The following FHIT variants were observed in gnomAD, a reference collection of about 807,000 sequenced individuals.
FHIT encodes the protein bis(5'-adenosyl)-triphosphatase.
A neutral mutation model predicts 17.9 loss-of-function variants in FHIT; 19 were observed. That is an observed-to-expected ratio of 1.06 (90% CI 0.74 to 1.56). The LOEUF (loss-of-function observed/expected upper bound fraction) is 1.56. FHIT is among the 40% of genes most tolerant of loss of function. The probability of loss-of-function intolerance (pLI) is 0.00; values close to 1 mark genes in which losing one functional copy is unlikely to be tolerated. For missense variants in FHIT, 248 were observed against 189.2 expected (o/e 1.31, Z -1.82); for synonymous variants, 81 against 69.7 (o/e 1.16, Z -0.81).
intron 5 of FHIT, among the ~76,000 whole-genome samples, chr3:60,476,942 G>T (rs2107463363): frequency 2.0e-5 from 3 of 151,652 alleles, no homozygotes; most frequent in East Asian, 3.9e-4. Context: ...CTCAGGTAAA[G>T]CTCAACATTA....
chr3:60,402,229 A>G (rs1576601387), intron 5 of FHIT, among the ~76,000 whole-genome samples: 1 of 152,188 alleles, frequency 6.6e-6, no homozygotes, highest in Admixed American at 6.5e-5. Context: ...CTTGTCACTC[A>G]CAGTTTTTCT....
intron 4 of FHIT, among the ~76,000 whole-genome samples, chr3:60,632,759 T>G (rs1437917168): frequency 6.6e-6 from 1 of 152,120 alleles, no homozygotes; most frequent in Admixed American, 6.5e-5. Context: ...TTTCTAAAAT[T>G]CATTGTCACC....
chr3:60,356,778 A>AAAAAAAAAAAAAC (rs1699682844), intron 5 of FHIT, among the ~76,000 whole-genome samples: 1 of 135,774 alleles, frequency 7.4e-6, no homozygotes, highest in Non-Finnish European at 1.5e-5. Context: ...AAAAAAAAAA[A>AAAAAAAAAAAAAC]AACGGAAGAA....
chr3:60,519,514 T>C (rs1467614573), intron 5 of FHIT, among the ~76,000 whole-genome samples: 1 of 152,196 alleles, frequency 6.6e-6, no homozygotes, highest in African/African-American at 2.4e-5. Flanking sequence ...CTGGAAGCCT[T>C]ACCAATAAAC....
chr3:60,697,940 A>G (rs1364411713), intron 4 of FHIT, among the ~76,000 whole-genome samples: 1 of 152,166 alleles, frequency 6.6e-6, no homozygotes, highest in Non-Finnish European at 1.5e-5. Flanking sequence ...ATTTGTTTAC[A>G]CAGTAAAAGA....
intron 2 of FHIT, among the ~76,000 whole-genome samples, chr3:61,193,173 T>C (rs2038763749): frequency 6.6e-6 from 1 of 152,218 alleles, no homozygotes. Flanking sequence ...TGGGTTGTTT[T>C]GTTTTGCTTA....
chr3:61,103,788 G>T (rs919633589), intron 2 of FHIT, among the ~76,000 whole-genome samples: 2 of 152,110 alleles, frequency 1.3e-5, no homozygotes, highest in East Asian at 1.9e-4. Flanking sequence ...TTGTTGAATT[G>T]ATTCCTTTGC....
intron 5 of FHIT, among the ~76,000 whole-genome samples, chr3:60,297,453 A>G (rs1211138934): frequency 1.3e-5 from 2 of 152,070 alleles, no homozygotes; most frequent in Admixed American, 6.6e-5. Flanking sequence ...ATAAATAAAC[A>G]TAGTTGGTTT....
chr3:60,403,149 A>G (rs549381745), intron 5 of FHIT, among the ~76,000 whole-genome samples: 2 of 152,292 alleles, frequency 1.3e-5, no homozygotes, highest in East Asian at 3.9e-4. Flanking sequence ...CCCGGGATAG[A>G]CAAAGACAGA....
At chr3:60,033,043 A>G (rs1443057275) in intron 5 of FHIT, among the ~76,000 whole-genome samples, 1 of 152,218 alleles carries the variant, frequency 6.6e-6, no homozygotes, top group Non-Finnish European at 1.5e-5. Context: ...ATTCAATGGC[A>G]TAACAATATT....
At chr3:60,936,445 T>C (rs1346042527) in intron 3 of FHIT, among the ~76,000 whole-genome samples, 5 of 152,224 alleles carry the variant, frequency 3.3e-5, no homozygotes, top group African/African-American at 9.6e-5. Context: ...CTATTCCTTC[T>C]GTGAAATGAC....
chr3:60,041,917 A>G (rs1701455118), intron 5 of FHIT, among the ~76,000 whole-genome samples: 1 of 152,242 alleles, frequency 6.6e-6, no homozygotes, highest in Non-Finnish European at 1.5e-5. Flanking sequence ...TCTAATTCTT[A>G]TTCTCATTTC....
chr3:61,021,400 C>T (rs2032420908), intron 3 of FHIT, among the ~76,000 whole-genome samples: 1 of 147,556 alleles, frequency 6.8e-6, no homozygotes. Flanking sequence ...GAGATCGAGA[C>T]CATCCCAGCT....
chr3:60,676,672 A>T (rs1206166761), intron 4 of FHIT, among the ~76,000 whole-genome samples: 1 of 152,330 alleles, frequency 6.6e-6, no homozygotes, highest in East Asian at 1.9e-4. Context: ...CAGGTAAGCT[A>T]GGAAGAGGCC....
At chr3:60,201,869 C>G (rs213301) in intron 5 of FHIT, among the ~76,000 whole-genome samples, 55,652 of 151,070 alleles carry the variant, frequency 0.37, 11,739 homozygotes, top group Non-Finnish European at 0.47. Flanking sequence ...AAATAGAATG[C>G]TTTAGAAATT....
intron 3 of FHIT, among the ~76,000 whole-genome samples, chr3:60,920,452 C>T (rs373629889): frequency 2.6e-5 from 4 of 151,976 alleles, no homozygotes; most frequent in Non-Finnish European, 5.9e-5. Flanking sequence ...TAGTCTAGAT[C>T]GGTAGAGGCA....
intron 3 of FHIT, chr3:60,856,251 G>C (rs1424539248): frequency 1.3e-5 from 2 of 152,084 alleles, no homozygotes; most frequent in Non-Finnish European, 2.9e-5. Flanking sequence ...AAAAGGCACA[G>C]ATCTGGGGGG....
chr3:60,678,642 A>G (rs1380281492), intron 4 of FHIT, among the ~76,000 whole-genome samples: 2 of 152,186 alleles, frequency 1.3e-5, no homozygotes, highest in African/African-American at 4.8e-5. Flanking sequence ...AAATGAAATC[A>G]GTTATCCAAG....
intron 2 of FHIT, among the ~76,000 whole-genome samples, chr3:61,044,277 G>A (rs1362608374): frequency 3.3e-5 from 5 of 152,160 alleles, no homozygotes; most frequent in African/African-American, 7.2e-5. Context: ...CCAGTGTAGA[G>A]AAGTCCTTAA....
Sources: gnomAD v4.1 joint callset for allele counts (sites outside exome capture counted in the v4.1 genomes callset) on GRCh38, gnomAD v4.1.1 for gene constraint, MANE v1.5 for transcripts, NCBI Gene and HGNC (gene_info 2026-07-23, HGNC 2026-07-21) for gene names.